The following RYR3 variants were observed in gnomAD, a reference collection of about 807,000 sequenced individuals.
RYR3 encodes brain ryanodine receptor-calcium release channel.
In RYR3, 207 loss-of-function variants were observed where a neutral mutation model predicts 584.3. The observed-to-expected ratio is 0.35, with a 90% CI of 0.32 to 0.40. The LOEUF is 0.40. RYR3 is among the 10% of genes least tolerant of loss of function. The pLI is 1.00. For missense variants in RYR3, 5,616 were observed against 6,089.2 expected (o/e 0.92, Z 2.59); for synonymous variants, 2,416 against 2,248.5 (o/e 1.07, Z -2.11).
Position 33,826,777 on chromosome 15 carries a change from A to G in RYR3, c.11245+25A>G, listed in dbSNP as rs113112389. 16 of 1,479,838 alleles carry G rather than the reference A, an allele frequency of 1.1e-5. No homozygotes were observed. In the African/African-American group the frequency reaches 1.6e-4, roughly 15 times the overall value. 91.7% of individuals were successfully genotyped at this position (1,479,838 alleles called of 1,614,324 possible). ...GGTGAGTGGAACAGATTGATCTGCC[A>G]AGGAAACACAGCACTCGGGCAAAAC... On this transcript the variant is annotated intron_variant, in intron 84 of 103. Transcript: ENST00000634891.
rs1313497198 is a variant in RYR3, at chr15:33,662,491, G to A, written c.4961G>A (p.Gly1654Glu). The A allele has an allele frequency of 1.9e-6, 3 of 1,613,894 alleles. No homozygotes were observed. The highest frequency in any genetic ancestry group is 4.5e-5 in the East Asian group (2 of 44,896). Residue 1654 changes from glycine (G) to glutamate (E), a missense_variant, in exon 35 of 104, where the codon GGG becomes GAG. By Grantham distance (98) the Gly-to-Glu change is moderately conservative. This residue lies in a region of RYR3 where 753 missense variants were observed against 741.0 expected (regional missense o/e 1.02). Coordinates refer to ENST00000634891, the MANE Select transcript of RYR3 (RefSeq NM_001036.6). ...PDESKRHGLP[G>E]VGLRTCLKPG... Reference sequence around the variant, plus strand: ...GAGTCCAAGAGGCATGGACTGCCTGGGGTGGGCCTGAGAACATGTCTCAAG... The same window carrying A: ...GAGTCCAAGAGGCATGGACTGCCTGAGGTGGGCCTGAGAACATGTCTCAAG...
chr15:33,803,504 AT>A (rs2076024954), intron 69 of RYR3, among the ~76,000 whole-genome samples: 2 of 151,978 alleles, frequency 1.3e-5, no homozygotes. Flanking sequence ...TCCCAGACAG[AT>A]TCCATACTAT....
chr15:33,698,716 G>A (rs932500307), intron 40 of RYR3, among the ~76,000 whole-genome samples: 4 of 152,244 alleles, frequency 2.6e-5, no homozygotes, highest in Non-Finnish European at 5.9e-5. Flanking sequence ...CCAGGGTCAC[G>A]TTCCTCATGG....
At chr15:33,681,411 G>C (rs2064602207) in intron 38 of RYR3, among the ~76,000 whole-genome samples, 1 of 152,318 alleles carries the variant, frequency 6.6e-6, no homozygotes, top group African/African-American at 2.4e-5. Context: ...TTCTAGGGGA[G>C]AATATACATT....
chr15:33,488,653 C>A (rs557319980), intron 2 of RYR3, among the ~76,000 whole-genome samples: 1 of 152,160 alleles, frequency 6.6e-6, no homozygotes, highest in South Asian at 2.1e-4. Flanking sequence ...GAGATCGAGA[C>A]CATCCTGGCC....
chr15:33,487,192 C>T (rs1374615412), intron 2 of RYR3, among the ~76,000 whole-genome samples: 2 of 111,708 alleles, frequency 1.8e-5, no homozygotes, highest in African/African-American at 8.5e-5. Context: ...AGCAAGACTC[C>T]ATCTCAAAGA....
At chr15:33,434,586 A>G (rs973261038) in intron 1 of RYR3, among the ~76,000 whole-genome samples, 1 of 152,214 alleles carries the variant, frequency 6.6e-6, no homozygotes, top group African/African-American at 2.4e-5. Context: ...AAGTAAAAAT[A>G]TCTAGTACCC....
Position 33,864,138 on chromosome 15 carries a change from G to A in RYR3, c.14466G>A (p.Leu4822=), listed in dbSNP as rs1889559844. The part of the protein sequence containing the change: ...TLQEHNLANY[L]FFLMYLINKD... Reference sequence around the variant, plus strand: ...TAATACTATCTTTTCCTCGTTCCAGGTTCTTTCTGATGTATTTGATTAATA... The same window carrying A: ...TAATACTATCTTTTCCTCGTTCCAGATTCTTTCTGATGTATTTGATTAATA... The change falls in exon 103 of 104, where the codon TTG becomes TTA. Residue 4822 remains leucine (L), a splice_region_variant and synonymous_variant. Transcript: ENST00000634891. 1.2e-6 allele frequency: 2 copies of A among 1,610,522 alleles called. No homozygotes were observed. The highest frequency in any genetic ancestry group is 1.7e-6 in the Non-Finnish European group (2 of 1,177,694).
Position 33,866,075 on chromosome 15 carries a change from C to A in RYR3, c.*849C>A. Reference sequence around the variant, plus strand: ...ATCTCCTCAAATACAATGAAGTGCCCACTGCAATAAAGTAATACGTACCAA... The same window carrying A: ...ATCTCCTCAAATACAATGAAGTGCCAACTGCAATAAAGTAATACGTACCAA... On this transcript the variant is annotated 3_prime_UTR_variant, in exon 104 of 104. Coordinates refer to ENST00000634891, the MANE Select transcript of RYR3 (RefSeq NM_001036.6). The A allele has an allele frequency of 6.4e-6, 1 of 156,078 alleles. No homozygotes were observed. The highest frequency in any genetic ancestry group is 6.2e-5 in the Admixed American group (1 of 16,128). 9.7% of individuals were successfully genotyped at this position (156,078 alleles called of 1,614,324 possible). A position where few individuals can be genotyped will look rare whatever the true frequency, so the allele number is the denominator to read the frequency against.
intron 18 of RYR3, among the ~76,000 whole-genome samples, chr15:33,603,860 C>T (rs2059788818): frequency 6.6e-6 from 1 of 152,208 alleles, no homozygotes; most frequent in South Asian, 2.1e-4. Context: ...CAGCCTGTTG[C>T]TTCATAATAC....
At chr15:33,477,179 C>G (rs2049456986) in intron 2 of RYR3, among the ~76,000 whole-genome samples, 1 of 152,074 alleles carries the variant, frequency 6.6e-6, no homozygotes, top group South Asian at 2.1e-4. Context: ...TACCGGTGAC[C>G]TTGGGCATTT....
Position 33,662,288 on chromosome 15 carries a change from C to G in RYR3, c.4758C>G (p.Leu1586=). The change falls in exon 35 of 104, where the codon CTC becomes CTG. Residue 1586 remains leucine (L), a synonymous_variant. Transcript: ENST00000634891. ...VAYALCSHVD[L]SQLFYAIDNK... The stretch of plus-strand genomic sequence containing the variant: ...ACGCCCTGTGCAGCCACGTGGACCT[C>G]TCCCAGCTCTTCTATGCCATTGACA... The G allele has an allele frequency of 6.2e-7, 1 of 1,611,232 alleles. No homozygotes were observed. Among genetic ancestry groups the G allele is most frequent in the Non-Finnish European group, 8.5e-7 (1 of 1,178,886 alleles).
intron 32 of RYR3, among the ~76,000 whole-genome samples, chr15:33,658,362 T>C (rs2152699309): frequency 6.6e-6 from 1 of 152,338 alleles, no homozygotes; most frequent in African/African-American, 2.4e-5. Flanking sequence ...TCGTAAGCCT[T>C]CTAACAGTAT....
At chr15:33,486,669 A>G (rs1472054197) in intron 2 of RYR3, among the ~76,000 whole-genome samples, 1 of 152,194 alleles carries the variant, frequency 6.6e-6, no homozygotes, top group African/African-American at 2.4e-5. Flanking sequence ...AGGGGAGTAG[A>G]GGGTGATGTT....
In RYR3 at chr15:33,780,225, T is replaced by C; in HGVS notation, c.9152T>C (p.Leu3051Pro). The stretch of plus-strand genomic sequence containing the variant: ...TTTGTTTCCAGGCAACGCCCTGCCC[T>C]TGGAGAATGTCTGGCCTCGCTGGCA... ...NIYVERQRPA[L>P]GECLASLAAA... Residue 3051 changes from leucine to proline, a missense_variant, in exon 65 of 104, where the codon CTT (leucine) becomes CCT (proline). Coordinates refer to ENST00000634891, the MANE Select transcript of RYR3 (RefSeq NM_001036.6). The C allele has an allele frequency of 6.2e-7, 1 of 1,613,876 alleles. No individual in the cohort carries two copies. Among genetic ancestry groups the C allele is most frequent in the Non-Finnish European group, 8.5e-7 (1 of 1,179,780 alleles).
intron 88 of RYR3, among the ~76,000 whole-genome samples, 178 bp downstream of exon 88, chr15:33,837,165 C>T (rs949722825): frequency 6.6e-6 from 1 of 152,160 alleles, no homozygotes; most frequent in Non-Finnish European, 1.5e-5. Flanking sequence ...ACGGACGAAG[C>T]CTGAAATCAA....
At chr15:33,590,147 A>G (rs536262094) in intron 16 of RYR3, among the ~76,000 whole-genome samples, 1 of 152,348 alleles carries the variant, frequency 6.6e-6, no homozygotes, top group South Asian at 2.1e-4. Context: ...AAGGAATTTC[A>G]CAAGGTTAAT....
chr15:33,744,668 A>G (rs2070500226), intron 52 of RYR3, among the ~76,000 whole-genome samples: 1 of 152,164 alleles, frequency 6.6e-6, no homozygotes, highest in Non-Finnish European at 1.5e-5. Flanking sequence ...CATTTGTCAC[A>G]AGGAAGTAAG....
At chr15:33,764,314 AACTAAC>A (rs752162794) in intron 60 of RYR3, among the ~76,000 whole-genome samples, 150 of 152,304 alleles carry the variant, frequency 9.8e-4, no homozygotes, top group Non-Finnish European at 1.7e-3. Context: ...ATTCTCAGCA[AACTAAC>A]ACAGGAACAG....
Sources: gnomAD v4.1 joint callset for allele counts (sites outside exome capture counted in the v4.1 genomes callset) on GRCh38, gnomAD v4.1.1 for gene constraint, gnomAD v4.1.1 regional missense constraint, MANE v1.5 for transcripts, NCBI Gene and HGNC (gene_info 2026-07-23, HGNC 2026-07-21) for gene names.